Variants in JAM3 observed in about 807,000 individuals in gnomAD.
The protein encoded by JAM3 is junctional adhesion molecule C.
Under a neutral mutation model 39.4 loss-of-function variants are expected in JAM3, and 31 were observed. The ratio of observed to expected loss-of-function variants is 0.79; its 90% CI spans 0.59 to 1.06. The LOEUF is 1.06. Among genes scored for constraint, JAM3 ranks in the 50% least tolerant of loss-of-function variants. The probability of loss-of-function intolerance (pLI) is 0.00; values close to 1 mark genes in which losing one functional copy is unlikely to be tolerated. For missense variants in JAM3, 455 were observed against 391.4 expected (o/e 1.16, Z -1.37); for synonymous variants, 182 against 148.7 (o/e 1.22, Z -1.63).
At chr11:134,083,738 T>A (rs949199549) in intron 1 of JAM3, among the ~76,000 whole-genome samples, 3 of 152,184 alleles carry the variant, frequency 2.0e-5, no homozygotes, top group African/African-American at 7.2e-5. Context: ...GCTCTGATTT[T>A]AAGCCTCCAT....
In JAM3 at chr11:134,151,761, T is replaced by C. The variant is rs1943243824; in HGVS notation, c.*2580T>C. 6.6e-6 allele frequency: 1 copy of C among 152,208 alleles called. No individual in the cohort carries two copies. Among genetic ancestry groups the C allele is most frequent in the Non-Finnish European group, 1.5e-5 (1 of 68,036 alleles). The allele number at this position is 152,208 out of a possible 1,614,324, so 9.4% of individuals were successfully genotyped here. ...AGCTTCAAAAAAACCCAAACATTGC[T>C]TCATTCTTTGTTATTTGCTCTTACG... On this transcript the variant is annotated 3_prime_UTR_variant, in exon 9 of 9. Transcript: ENST00000299106.
At chr11:134,143,633 C>G (rs1425054227) in intron 3 of JAM3, among the ~76,000 whole-genome samples, 6 of 152,148 alleles carry the variant, frequency 3.9e-5, no homozygotes, top group African/African-American at 1.4e-4. Flanking sequence ...GTATTTCTCC[C>G]ATTGTGTGGA....
At chr11:134,069,747 G>A (rs1048826829) in intron 1 of JAM3, among the ~76,000 whole-genome samples, 1 of 152,206 alleles carries the variant, frequency 6.6e-6, no homozygotes, top group African/African-American at 2.4e-5. Context: ...AGCGGGGGAC[G>A]TAGCTGAGGA....
intron 1 of JAM3, among the ~76,000 whole-genome samples, chr11:134,100,188 G>T (rs1942049251): frequency 2.0e-5 from 3 of 152,096 alleles, no homozygotes; most frequent in Non-Finnish European, 4.4e-5. Flanking sequence ...ATAGTGGTCA[G>T]TTCCTATCTC....
chr11:134,128,108 C>T (rs1942688118), intron 1 of JAM3, among the ~76,000 whole-genome samples: 1 of 152,056 alleles, frequency 6.6e-6, no homozygotes, highest in South Asian at 2.1e-4. Context: ...AAAGGTTTTC[C>T]TCTTGGGCTT....
intron 1 of JAM3, among the ~76,000 whole-genome samples, chr11:134,096,320 T>G (rs753980688): frequency 5.3e-5 from 8 of 152,104 alleles, no homozygotes; most frequent in Non-Finnish European, 8.8e-5. Flanking sequence ...GAGCTTTCAG[T>G]TTAGTATAAA....
intron 1 of JAM3, among the ~76,000 whole-genome samples, chr11:134,082,427 A>G (rs1010241849): frequency 1.3e-5 from 2 of 152,152 alleles, no homozygotes; most frequent in African/African-American, 4.8e-5. Flanking sequence ...GTTCCCACCC[A>G]AATCTCATCT....
chr11:134,104,674 T>C (rs1942146933), intron 1 of JAM3, among the ~76,000 whole-genome samples: 1 of 151,902 alleles, frequency 6.6e-6, no homozygotes, highest in South Asian at 2.1e-4. Flanking sequence ...AAAGGAGATA[T>C]CGCCACCGAT....
intron 1 of JAM3, among the ~76,000 whole-genome samples, chr11:134,104,472 T>G (rs1488065141): frequency 6.6e-6 from 1 of 151,446 alleles, no homozygotes; most frequent in Non-Finnish European, 1.5e-5. Context: ...GAAAACAAAT[T>G]CAAAAGCTAG....
intron 1 of JAM3, among the ~76,000 whole-genome samples, chr11:134,069,971 A>G (rs1235947391): frequency 3.3e-5 from 5 of 152,214 alleles, no homozygotes; most frequent in Admixed American, 2.0e-4. Context: ...AAGACACACT[A>G]ATAAACTTGA....
intron 1 of JAM3, among the ~76,000 whole-genome samples, chr11:134,123,175 CATATA>C (rs748697508): frequency 5.3e-5 from 8 of 152,146 alleles, no homozygotes; most frequent in South Asian, 2.1e-4. Flanking sequence ...CCACCTGGAT[CATATA>C]ATATATCTAT....
rs375336099 is a variant in JAM3, at chr11:134,114,274, C to G, written c.77-25577C>G. On this transcript the variant is annotated intron_variant, in intron 1 of 8. Coordinates refer to ENST00000299106, the MANE Select transcript of JAM3 (RefSeq NM_032801.5). ...TTAGACATGAAGTCCTTGCCCATGC[C>G]TATGTCCTGAATGGTTTTCTTCTAG... Among the ~76,000 whole-genome samples the G allele has an allele frequency of 3.3e-5, 5 of 152,282 alleles. No individual in the cohort carries two copies. The East Asian group carries it at 9.6e-4, about 29-fold the overall frequency.
At chr11:134,108,221 C>T (rs918160390) in intron 1 of JAM3, among the ~76,000 whole-genome samples, 4 of 151,934 alleles carry the variant, frequency 2.6e-5, no homozygotes, top group African/African-American at 9.7e-5. Context: ...GACACAACTA[C>T]CAAAGCTCAC....
intron 1 of JAM3, among the ~76,000 whole-genome samples, chr11:134,130,455 T>A (rs1591800123): frequency 6.6e-6 from 1 of 151,860 alleles, no homozygotes; most frequent in East Asian, 1.9e-4. Flanking sequence ...AAAAAAAAAA[T>A]AGTGACAAGG....
rs1943145514 is a variant in JAM3 at position 134,149,276 on chromosome 11, G to A, written c.*95G>A. The stretch of plus-strand genomic sequence containing the variant: ...CAGCGAGAGCTGATGCACTCGGACA[G>A]AGCTAGACACTCATTCAGAAGCTTT... On this transcript the variant is annotated 3_prime_UTR_variant, in exon 9 of 9. Transcript: ENST00000299106. 4.9e-6 allele frequency: 7 copies of A among 1,442,724 alleles called. No individual in the cohort carries two copies. The highest frequency in any genetic ancestry group is 1.7e-4 in the Middle Eastern group (1 of 5,738). 89.4% of individuals were successfully genotyped at this position (1,442,724 alleles called of 1,614,324 possible). A position where few individuals can be genotyped will look rare whatever the true frequency, so the allele number is the denominator to read the frequency against.
rs140863366 is a variant in JAM3, at chr11:134,139,351, C to T, written c.77-500C>T. Among the ~76,000 whole-genome samples the T allele has an allele frequency of 3.1e-3, 479 of 152,270 alleles. 2 individuals carry two copies. The highest frequency in any genetic ancestry group is 0.02 in the Middle Eastern group (6 of 294). On this transcript the variant is annotated intron_variant, in intron 1 of 8. Transcript: ENST00000299106. ...TGGAACCACCGGGTTGCTCATACAG[C>T]GAGGTGGACTCCTAGCTGGTTGATA...
At position 134,131,940 on chromosome 11, in the gene JAM3, C is replaced by T. The variant is rs190500305; in HGVS notation, c.77-7911C>T. Among the ~76,000 whole-genome samples, 198 of 152,238 alleles carry T rather than the reference C, an allele frequency of 1.3e-3. 5 individuals are homozygous for T. In the South Asian group the frequency reaches 0.024, roughly 18 times the overall value. ...GGAAGAAAAGTGAACAGAGTCTAAG[C>T]GACTCATGGGACTAATAAGTGGACC... On this transcript the variant is annotated intron_variant, in intron 1 of 8. Transcript: ENST00000299106.
chr11:134,131,487 A>C (rs535278951), intron 1 of JAM3, among the ~76,000 whole-genome samples: 1 of 152,240 alleles, frequency 6.6e-6, no homozygotes, highest in African/African-American at 2.4e-5. Context: ...ATAATAATCA[A>C]ATGCCAGATT....
chr11:134,124,262 A>G (rs375062694), intron 1 of JAM3: 1 of 1,036,948 alleles, frequency 9.6e-7, no homozygotes, highest in African/African-American at 1.6e-5. Flanking sequence ...TAGCACTGGT[A>G]GGGTTGTGAG....
Sources: gnomAD v4.1 joint callset for allele counts (sites outside exome capture counted in the v4.1 genomes callset) on GRCh38, gnomAD v4.1.1 for gene constraint, MANE v1.5 for transcripts, NCBI Gene and HGNC (gene_info 2026-07-23, HGNC 2026-07-21) for gene names.